CACNA1A: variants seen among roughly 807,000 people sequenced by gnomAD.
CACNA1A encodes calcium voltage-gated channel subunit alpha1 A, also known as voltage-dependent P/Q-type calcium channel subunit alpha-1A.
A neutral mutation model predicts 262.4 loss-of-function variants in CACNA1A; 57 were observed. The observed-to-expected ratio is 0.22, with a 90% CI of 0.18 to 0.27. CACNA1A has a LOEUF of 0.27. CACNA1A is among the 10% of genes least tolerant of loss of function. The pLI is 1.00. For missense variants in CACNA1A, 2,526 were observed against 3,562.8 expected, an observed-to-expected ratio of 0.71 and a Z score of 7.41; for synonymous variants, 1,431 against 1,419.3, an observed-to-expected ratio of 1.01 and a Z score of -0.18.
At chr19:13,364,265 C>G (rs1362354329) in intron 5 of CACNA1A, 1 of 152,292 alleles carries the variant, frequency 6.6e-6, no homozygotes, top group Non-Finnish European at 1.5e-5. Flanking sequence ...TACTCTCACC[C>G]AGCACTCAGG....
At chr19:13,348,700 T>G (rs373718214) in intron 6 of CACNA1A, among the ~76,000 whole-genome samples, 96 of 152,136 alleles carry the variant, frequency 6.3e-4, no homozygotes, top group South Asian at 4.2e-4. Context: ...GCTGGGCGTG[T>G]TGGTGCATGC....
intron 3 of CACNA1A, among the ~76,000 whole-genome samples, chr19:13,405,655 A>G (rs62111205): frequency 0.06 from 9,170 of 152,274 alleles, 533 homozygotes; most frequent in East Asian, 0.26. Flanking sequence ...TATTATCCCC[A>G]TTGAACAGAT....
At chr19:13,275,525 G>C in intron 24 of CACNA1A, 1 of 357,386 alleles carries the variant, frequency 2.8e-6, no homozygotes. Context: ...GGCGGCGCTT[G>C]TGGAGTAGTA....
At chr19:13,223,390 C>T (rs1270903006) in intron 38 of CACNA1A, among the ~76,000 whole-genome samples, 2 of 152,058 alleles carry the variant, frequency 1.3e-5, no homozygotes, top group Non-Finnish European at 2.9e-5. Context: ...ACGGGGGTTT[C>T]ACCACATTGG....
intron 3 of CACNA1A, among the ~76,000 whole-genome samples, chr19:13,394,397 C>T (rs553986821): frequency 7.2e-4 from 109 of 152,106 alleles, no homozygotes; most frequent in Non-Finnish European, 1.4e-3. Context: ...ATGATGATCC[C>T]GCCATACAAT....
chr19:13,365,525 C>G, intron 4 of CACNA1A, 56 bp from the exon 5 acceptor site: 1 of 1,526,642 alleles, frequency 6.6e-7, no homozygotes, highest in Non-Finnish European at 9.0e-7. Context: ...CCCCAAACCC[C>G]GCCACCAAGA....
chr19:13,217,092 C>T (rs541623978), intron 38 of CACNA1A, among the ~76,000 whole-genome samples: 10 of 152,198 alleles, frequency 6.6e-5, no homozygotes, highest in South Asian at 2.1e-4. Context: ...GTTGAGACTG[C>T]GCCACTGCAC....
chr19:13,405,852 T>A (rs975841357), intron 3 of CACNA1A, among the ~76,000 whole-genome samples: 5 of 152,166 alleles, frequency 3.3e-5, no homozygotes, highest in African/African-American at 1.2e-4. Flanking sequence ...ATTTTACAGA[T>A]GAGAAAACTG....
intron 19 of CACNA1A, among the ~76,000 whole-genome samples, chr19:13,289,898 T>C (rs2057493918): frequency 6.7e-6 from 1 of 149,170 alleles, no homozygotes; most frequent in South Asian, 2.1e-4. Context: ...TTCTATATTA[T>C]ATATATAACA....
chr19:13,338,959 G>A (rs748023414), intron 6 of CACNA1A, among the ~76,000 whole-genome samples: 35 of 152,120 alleles, frequency 2.3e-4, no homozygotes, highest in Admixed American at 9.2e-4. Context: ...TCTGCCTCCC[G>A]GGTTCAAGCA....
intron 3 of CACNA1A, among the ~76,000 whole-genome samples, chr19:13,399,111 A>G (rs1470419035): frequency 6.6e-6 from 1 of 152,042 alleles, no homozygotes; most frequent in Non-Finnish European, 1.5e-5. Flanking sequence ...CCCCATTGAG[A>G]CCTGGAACTT....
At chr19:13,475,037 T>C (rs886804799) in intron 1 of CACNA1A, among the ~76,000 whole-genome samples, 17 of 152,178 alleles carry the variant, frequency 1.1e-4, no homozygotes, top group Non-Finnish European at 1.9e-4. Flanking sequence ...AGAAGCACTA[T>C]AGGAAGAAAT....
intron 10 of CACNA1A, among the ~76,000 whole-genome samples, chr19:13,321,570 G>A (rs1320452682): frequency 6.6e-6 from 1 of 152,114 alleles, no homozygotes; most frequent in Non-Finnish European, 1.5e-5. Flanking sequence ...CCACACCCAG[G>A]CTACGTGGTT....
rs542296930 is a variant in CACNA1A at position 13,502,650 on chromosome 19, A to G, written c.293+3282T>C. On this transcript the variant is annotated intron_variant, in intron 1 of 46. Coordinates refer to ENST00000360228, the MANE Select transcript of CACNA1A (RefSeq NM_001127222.2). Reference sequence around the variant, plus strand: ...GGCATGAGAAAAACACGGCAATGTAAATTTGAACATCAAAGACTTCCATTT... The same window carrying G: ...GGCATGAGAAAAACACGGCAATGTAGATTTGAACATCAAAGACTTCCATTT... Among the ~76,000 whole-genome samples the G allele has an allele frequency of 3.2e-4, 49 of 152,336 alleles. 1 individual carries two copies. The South Asian group carries it at 5.0e-3, about 15-fold the overall frequency.
intron 3 of CACNA1A, among the ~76,000 whole-genome samples, chr19:13,429,200 ACACACACC>A (rs2060458495): frequency 7.1e-6 from 1 of 140,054 alleles, no homozygotes; most frequent in Non-Finnish European, 1.6e-5. Context: ...ACACACACAC[ACACACACC>A]CCTCTTTCTC....
At chr19:13,238,212 T>C (rs1348086013) in intron 31 of CACNA1A, among the ~76,000 whole-genome samples, 1 of 152,172 alleles carries the variant, frequency 6.6e-6, no homozygotes, top group Admixed American at 6.5e-5. Context: ...TCCCTCTTCC[T>C]GCCTTCCACA....
At chr19:13,433,746 C>T (rs2060562167) in intron 3 of CACNA1A, among the ~76,000 whole-genome samples, 1 of 152,092 alleles carries the variant, frequency 6.6e-6, no homozygotes, top group Admixed American at 6.5e-5. Context: ...CCCAGCAGAA[C>T]AAGAGCAAGT....
At chr19:13,422,845 C>T (rs1437963892) in intron 3 of CACNA1A, among the ~76,000 whole-genome samples, 2 of 152,242 alleles carry the variant, frequency 1.3e-5, no homozygotes, top group Non-Finnish European at 2.9e-5. Context: ...GAGAATTGAG[C>T]ACTGTTTGCA....
Position 13,207,427 on chromosome 19 carries a change from G to A in CACNA1A, c.7407C>T (p.Gly2469=). The A allele has an allele frequency of 1.3e-6, 2 of 1,523,732 alleles. No individual in the cohort carries two copies. Among genetic ancestry groups the A allele is most frequent in the Non-Finnish European group, 1.8e-6 (2 of 1,139,946 alleles). The allele number at this position is 1,523,732 out of a possible 1,614,324, so 94.4% of individuals were successfully genotyped here. A position where few individuals can be genotyped will look rare whatever the true frequency, so the allele number is the denominator to read the frequency against. ...GPACASPSRH[G]RRLPNGYYPA... ...GGTAGTAGCCGTTGGGGAGTCGCCG[G>A]CCGTGCCGAGAAGGCGAGGCGCAGG... Residue 2469 remains glycine (G), a synonymous_variant, in exon 47 of 47, where the codon GGC becomes GGT. Transcript: ENST00000360228. This position sits in a 1 kb window ranked among gnomAD's most constrained non-coding sequence, Gnocchi z 5.7.
Sources: allele counts gnomAD v4.1 joint callset (sites outside exome capture counted in the v4.1 genomes callset), GRCh38; gene constraint gnomAD v4.1.1; non-coding constraint Gnocchi (gnomAD v3.1); transcripts MANE v1.5; gene names NCBI Gene and HGNC (gene_info 2026-07-23, HGNC 2026-07-21).